The following MYCBP2 variants were observed in gnomAD, a reference collection of about 807,000 sequenced individuals.
The protein encoded by MYCBP2 is MYC binding protein 2.
A neutral mutation model predicts 525.3 loss-of-function variants in MYCBP2; 120 were observed. The ratio of observed to expected loss-of-function variants is 0.23; its 90% CI spans 0.20 to 0.27. The LOEUF (loss-of-function observed/expected upper bound fraction) is 0.27, where lower values mean the gene tolerates loss of function less well. Ranked by LOEUF, MYCBP2 falls within the 10% of genes least tolerant of loss-of-function variation. MYCBP2 has a pLI of 1.00. For synonymous variants in MYCBP2, 1,894 were observed against 1,955.8 expected, an observed-to-expected ratio of 0.97 and a Z score of 0.83; for missense variants, 4,149 against 5,657.1, an observed-to-expected ratio of 0.73 and a Z score of 8.55.
chr13:77,132,169 TGTTGTATTAA>T (rs1159895114), intron 52 of MYCBP2, among the ~76,000 whole-genome samples: 3 of 152,114 alleles, frequency 2.0e-5, no homozygotes, highest in Non-Finnish European at 2.9e-5. Flanking sequence ...CATTTACTAA[TGTTGTATTAA>T]GTTAATATTA....
Position 77,273,657 on chromosome 13 carries a change from G to T in MYCBP2, c.760C>A (p.Gln254Lys). 1 of 1,538,362 alleles carries T rather than the reference G, an allele frequency of 6.5e-7. No homozygotes were observed. Among genetic ancestry groups the T allele is most frequent in the East Asian group, 2.3e-5 (1 of 43,086 alleles). Reference sequence around the variant, plus strand: ...CGAACGGTGATTTCCAAAAGAAGCTGGAAGAGAGACTCTGTGGATAAAATA... The same window carrying T: ...CGAACGGTGATTTCCAAAAGAAGCTTGAAGAGAGACTCTGTGGATAAAATA... ...EPPEVLESLF[Q>K]LLLEITVRST... The change falls in exon 5 of 83, where the codon CAG (glutamine) becomes AAG (lysine). Residue 254 changes from glutamine (Q) to lysine (K), a missense_variant. Coordinates refer to ENST00000544440, the MANE Select transcript of MYCBP2 (RefSeq NM_015057.5).
At chr13:77,102,822 A>G (rs1027289400) in intron 55 of MYCBP2, among the ~76,000 whole-genome samples, 2 of 151,918 alleles carry the variant, frequency 1.3e-5, no homozygotes, top group African/African-American at 2.4e-5. Flanking sequence ...TTATATAACA[A>G]TAAGTTTAAG....
chr13:77,210,185 C>T (rs572726935), intron 23 of MYCBP2, among the ~76,000 whole-genome samples: 1 of 151,720 alleles, frequency 6.6e-6, no homozygotes, highest in East Asian at 1.9e-4. Flanking sequence ...ATATAAAGCA[C>T]CACAATAATT....
chr13:77,308,648 C>T (rs1238977681), intron 1 of MYCBP2, among the ~76,000 whole-genome samples: 2 of 152,148 alleles, frequency 1.3e-5, no homozygotes, highest in African/African-American at 2.4e-5. Context: ...CAGAAGCAGA[C>T]GTCAATTCAA....
chr13:77,252,318 T>C (rs755766605), intron 14 of MYCBP2, among the ~76,000 whole-genome samples: 2 of 152,154 alleles, frequency 1.3e-5, no homozygotes, highest in Non-Finnish European at 2.9e-5. Flanking sequence ...TAGAGGGCTA[T>C]ATAAAAAAAT....
At chr13:77,297,754 C>T (rs887493742) in intron 1 of MYCBP2, among the ~76,000 whole-genome samples, 1 of 152,130 alleles carries the variant, frequency 6.6e-6, no homozygotes, top group African/African-American at 2.4e-5. Flanking sequence ...AAAATGTTAT[C>T]CTTGACATTG....
rs2043286037 is a variant in MYCBP2, at chr13:77,081,387, A to C, written c.11418+40T>G. On this transcript the variant is annotated intron_variant, in intron 65 of 82. Coordinates refer to ENST00000544440, the MANE Select transcript of MYCBP2 (RefSeq NM_015057.5). This position sits in a 1 kb window ranked among gnomAD's most constrained non-coding sequence, Gnocchi z 4.6. Reference sequence around the variant, plus strand: ...GAAAGTGCATGAATACTAAGATCTGAAAAGAGCTAAAGAGCCGTAAATCAC... The same window carrying C: ...GAAAGTGCATGAATACTAAGATCTGCAAAGAGCTAAAGAGCCGTAAATCAC... The C allele has an allele frequency of 6.4e-7, 1 of 1,553,974 alleles. No individual in the cohort carries two copies. Among genetic ancestry groups the C allele is most frequent in the Admixed American group, 1.7e-5 (1 of 58,288 alleles).
intron 60 of MYCBP2, among the ~76,000 whole-genome samples, chr13:77,089,236 G>A (rs1362248853): frequency 6.6e-6 from 1 of 152,098 alleles, no homozygotes; most frequent in Non-Finnish European, 1.5e-5. Context: ...CTATTAAGTT[G>A]TAGAGGTGGG....
At chr13:77,063,288 T>C (rs2039625556) in intron 73 of MYCBP2, among the ~76,000 whole-genome samples, 2 of 152,182 alleles carry the variant, frequency 1.3e-5, no homozygotes, top group South Asian at 4.1e-4. Flanking sequence ...CCGGGCACAG[T>C]GGCACATGCC....
chr13:77,225,773 A>T (rs2066171208), intron 18 of MYCBP2, among the ~76,000 whole-genome samples: 3 of 152,218 alleles, frequency 2.0e-5, no homozygotes, highest in African/African-American at 7.2e-5. Context: ...TCACTAAATT[A>T]ATAAAAACAG....
At chr13:77,106,380 T>C (rs138866254) in intron 55 of MYCBP2, among the ~76,000 whole-genome samples, 303 of 152,232 alleles carry the variant, frequency 2.0e-3, no homozygotes, top group African/African-American at 6.6e-3. Flanking sequence ...CAATAACAAT[T>C]TGCTAAATTA....
At chr13:77,082,631 T>A (rs1186305950) in intron 63 of MYCBP2, among the ~76,000 whole-genome samples, 1 of 152,158 alleles carries the variant, frequency 6.6e-6, no homozygotes, top group Non-Finnish European at 1.5e-5. Flanking sequence ...TAAGGTGCTT[T>A]TAGGACTGGG....
chr13:77,276,839 T>TC (rs5804895), intron 4 of MYCBP2, among the ~76,000 whole-genome samples: 1 of 131,352 alleles, frequency 7.6e-6, no homozygotes, highest in Non-Finnish European at 1.6e-5. Flanking sequence ...TTTTTTTTTT[T>TC]GGAGAGATAG....
intron 40 of MYCBP2, among the ~76,000 whole-genome samples, chr13:77,167,845 A>G (rs2058709217): frequency 6.6e-6 from 1 of 152,186 alleles, no homozygotes; most frequent in African/African-American, 2.4e-5. Flanking sequence ...GTTTACTTCT[A>G]TATGCTTAAT....
chr13:77,187,973 A>C (rs1389054698), intron 30 of MYCBP2, among the ~76,000 whole-genome samples: 1 of 150,576 alleles, frequency 6.6e-6, no homozygotes, highest in African/African-American at 2.4e-5. Context: ...CAGGAGGCTG[A>C]GGCAGGAGAA....
intron 52 of MYCBP2, among the ~76,000 whole-genome samples, chr13:77,134,238 C>CG (rs2053380762): frequency 6.6e-6 from 1 of 152,032 alleles, no homozygotes. Context: ...TGTTCTCAGC[C>CG]GGGTGCAGTG....
intron 66 of MYCBP2, 108 bp downstream of exon 66, chr13:77,078,716 C>A: frequency 1.2e-6 from 1 of 821,104 alleles, no homozygotes; most frequent in Non-Finnish European, 2.1e-6. Flanking sequence ...ATAGATAATT[C>A]CCTATAATAC....
intron 68 of MYCBP2, among the ~76,000 whole-genome samples, chr13:77,074,002 GCCC>G: frequency 9.4e-6 from 1 of 106,644 alleles, no homozygotes; most frequent in Non-Finnish European, 1.9e-5. Context: ...CATCCCCACC[GCCC>G]CCCCCCCTTT....
intron 68 of MYCBP2, chr13:77,075,483 A>G (rs1378446950): frequency 6.6e-6 from 1 of 152,044 alleles, no homozygotes; most frequent in African/African-American, 2.4e-5. Context: ...CATTCTCTCT[A>G]CTAATCTCAT....
Sources: allele counts gnomAD v4.1 joint callset (sites outside exome capture counted in the v4.1 genomes callset), GRCh38; gene constraint gnomAD v4.1.1; non-coding constraint Gnocchi (gnomAD v3.1); transcripts MANE v1.5; gene names NCBI Gene and HGNC (gene_info 2026-07-23, HGNC 2026-07-21).